AP1G1: variants seen among roughly 807,000 people sequenced by gnomAD.
AP1G1 encodes the protein adaptor related protein complex 1 subunit gamma 1.
In AP1G1, 7 loss-of-function variants were observed where a neutral mutation model predicts 108.3. The ratio of observed to expected loss-of-function variants is 0.06; its 90% CI spans 0.04 to 0.12. The LOEUF (loss-of-function observed/expected upper bound fraction) is 0.12, where lower values mean the gene tolerates loss of function less well. AP1G1 is among the 10% of genes least tolerant of loss of function. The pLI is 1.00. For synonymous variants in AP1G1, 379 were observed against 353.5 expected, an observed-to-expected ratio of 1.07 and a Z score of -0.81; for missense variants, 756 against 1,010.7, an observed-to-expected ratio of 0.75 and a Z score of 3.42.
At chr16:71,733,204 T>G in intron 22 of AP1G1, 45 bp from the exon 23 acceptor site, 2 of 1,432,962 alleles carry the variant, frequency 1.4e-6, no homozygotes, top group Non-Finnish European at 2.0e-6. Flanking sequence ...TGAAATGAAA[T>G]CTCCAGAATC....
At chr16:71,741,083 G>T (rs990691419) in intron 19 of AP1G1, among the ~76,000 whole-genome samples, 1 of 152,076 alleles carries the variant, frequency 6.6e-6, no homozygotes, top group African/African-American at 2.4e-5. Flanking sequence ...ATCAAGATTC[G>T]AAGAAGAAGC....
At chr16:71,759,368 T>C (rs995491498) in intron 10 of AP1G1, among the ~76,000 whole-genome samples, 1 of 150,548 alleles carries the variant, frequency 6.6e-6, no homozygotes, top group African/African-American at 2.4e-5. Flanking sequence ...GGCTGAGGCA[T>C]GAGAATTGCT....
chr16:71,764,654 A>T lies in AP1G1; in HGVS notation c.811T>A (p.Leu271Ile), dbSNP rs1190808103. 6.2e-7 allele frequency: 1 copy of T among 1,605,054 alleles called. No homozygotes were observed. The highest frequency in any genetic ancestry group is 1.1e-5 in the South Asian group (1 of 88,788). ...ATGTTTGGTCTACTCACCTGTGCTA[A>T]TATATCATTCATAGCTTCACTTGAA... ...DDSSEAMNDI[L>I]AQVATNTETS... The change falls in exon 8 of 23, where the codon TTA (leucine) becomes ATA (isoleucine). Residue 271 changes from leucine (L) to isoleucine (I), a missense_variant. Leu to Ile is a conservative substitution (Grantham distance 5). Around this residue, in one of 3 missense-constraint regions of AP1G1, gnomAD observed 304 missense variants for 483.6 expected, o/e 0.63. Transcript: ENST00000299980.
intron 9 of AP1G1, among the ~76,000 whole-genome samples, chr16:71,762,065 T>C (rs1257786908): frequency 1.3e-5 from 2 of 151,934 alleles, no homozygotes; most frequent in African/African-American, 4.8e-5. Context: ...TAGACAAAAG[T>C]CTACTGTGGC....
In AP1G1 at chr16:71,739,324, G is replaced by T; in HGVS notation, c.2017C>A (p.Pro673Thr). The T allele has an allele frequency of 6.2e-7, 1 of 1,603,094 alleles. No homozygotes were observed. Among genetic ancestry groups the T allele is most frequent in the South Asian group, 1.1e-5 (1 of 88,756 alleles). Residue 673 changes from proline (P) to threonine (T), a missense_variant, in exon 20 of 23, where the codon CCT becomes ACT. Physicochemically the swap from Pro to Thr is conservative, Grantham distance 38 (BLOSUM62 -1). Transcript: ENST00000299980. The part of the protein sequence containing the change: ...INLTGAPAAA[P>T]APASVPQISQ... ...ATCTGTGGGACTGAGGCAGGGGCAG[G>T]AGCAGCAGCTGGAGCACCTAAAGGA...
At chr16:71,751,454 T>C (rs1361358143) in intron 13 of AP1G1, 1 of 149,654 alleles carries the variant, frequency 6.7e-6, no homozygotes, top group African/African-American at 2.5e-5. Context: ...CATGTGTATT[T>C]TGGAAAGGAA....
At chr16:71,808,598 C>T (rs1403281653) in intron 1 of AP1G1, 165 bp downstream of exon 1, 3 of 1,289,458 alleles carry the variant, frequency 2.3e-6, no homozygotes, top group Non-Finnish European at 3.0e-6. Context: ...GGAGCAGCCC[C>T]TGGGGCTCCC....
At chr16:71,797,408 A>G (rs1310032186) in intron 1 of AP1G1, among the ~76,000 whole-genome samples, 1 of 152,176 alleles carries the variant, frequency 6.6e-6, no homozygotes, top group Non-Finnish European at 1.5e-5. Context: ...GTATAAATAA[A>G]GCAACTGTAA....
chr16:71,753,673 A>ATGC, intron 13 of AP1G1, 160 bp downstream of exon 13: 1 of 698,040 alleles, frequency 1.4e-6, no homozygotes. Context: ...ATATTCCTCC[A>ATGC]TGCTGCTTTA....
intron 1 of AP1G1, among the ~76,000 whole-genome samples, chr16:71,800,833 T>C (rs1208667321): frequency 5.4e-5 from 8 of 148,318 alleles, no homozygotes; most frequent in South Asian, 4.2e-4. Flanking sequence ...CCATCTCTAC[T>C]AAAAATACAA....
chr16:71,762,513 G>A (rs1567649919), intron 9 of AP1G1, among the ~76,000 whole-genome samples: 1 of 152,276 alleles, frequency 6.6e-6, no homozygotes, highest in African/African-American at 2.4e-5. Flanking sequence ...CAACCTTGGG[G>A]AGGGGAGAGA....
chr16:71,787,267 C>T lies in AP1G1; in HGVS notation c.201+2012G>A, dbSNP rs570440143. Among the ~76,000 whole-genome samples, 892 of 143,774 alleles carry T rather than the reference C, an allele frequency of 6.2e-3. 13 individuals carry two copies. In the South Asian group the frequency reaches 0.064, roughly 10 times the overall value. 94.3% of individuals were successfully genotyped at this position (143,774 alleles called of 152,430 possible). ...CCAGTAGGTGGAGGTTGAAGTGAGCCGAGATCACGCCACTGGACTCCAGCC... is the reference window on the plus strand; with the variant it reads ...CCAGTAGGTGGAGGTTGAAGTGAGCTGAGATCACGCCACTGGACTCCAGCC... On this transcript the variant is annotated intron_variant, in intron 2 of 22. Transcript: ENST00000299980.
Position 71,765,519 on chromosome 16 carries a change from A to G in AP1G1, c.708T>C (p.Asp236=). The G allele has an allele frequency of 1.2e-6, 2 of 1,613,534 alleles. No homozygotes were observed. The highest frequency in any genetic ancestry group is 1.7e-6 in the Non-Finnish European group (2 of 1,179,556). ...AAAAGGGGTCACTGATACCAGAAAC[A>G]TCATGTTCTGGTGAATATCCGGACA... ...LIMSGYSPEH[D]VSGISDPFLQ... The change falls in exon 7 of 23, where the codon GAT becomes GAC. Residue 236 remains aspartate, a synonymous_variant. Transcript: ENST00000299980.
chr16:71,736,446 T>C (rs1415461985), intron 21 of AP1G1, among the ~76,000 whole-genome samples: 1 of 150,460 alleles, frequency 6.6e-6, no homozygotes, highest in Admixed American at 6.6e-5. Context: ...AGTGGTGCGA[T>C]CTCGGCTCAC....
chr16:71,767,101 T>C (rs1328862347), intron 6 of AP1G1, among the ~76,000 whole-genome samples: 1 of 152,218 alleles, frequency 6.6e-6, no homozygotes, highest in Non-Finnish European at 1.5e-5. Flanking sequence ...TTTTATCTGG[T>C]TTATTTCTTG....
At chr16:71,738,697 CACT>C (rs1378694761) in intron 21 of AP1G1, among the ~76,000 whole-genome samples, 2 of 152,182 alleles carry the variant, frequency 1.3e-5, no homozygotes, top group Non-Finnish European at 2.9e-5. Context: ...ATTCTGCTCT[CACT>C]ACTATTAGAA....
chr16:71,739,223 A>G lies in AP1G1; in HGVS notation c.2107+11T>C, dbSNP rs2045587455. 6.2e-7 allele frequency: 1 copy of G among 1,611,586 alleles called. No homozygotes were observed. Among genetic ancestry groups the G allele is most frequent in the South Asian group, 1.1e-5 (1 of 90,932 alleles). ...TGCTCCATGTAATGATGGTAACAAC[A>G]GTCATCGTACCTGCAGCAATATCAT... On this transcript the variant is annotated intron_variant, in intron 20 of 22. Coordinates refer to ENST00000299980, the MANE Select transcript of AP1G1 (RefSeq NM_001128.6).
At chr16:71,756,848 A>G (rs765086601) in intron 11 of AP1G1, among the ~76,000 whole-genome samples, 21 of 151,002 alleles carry the variant, frequency 1.4e-4, no homozygotes, top group African/African-American at 5.1e-4. Flanking sequence ...AGGCTGAGGT[A>G]GGAGAATTGC....
intron 9 of AP1G1, among the ~76,000 whole-genome samples, chr16:71,762,060 A>T (rs1036708902): frequency 6.6e-6 from 1 of 152,010 alleles, no homozygotes; most frequent in Non-Finnish European, 1.5e-5. Flanking sequence ...ACATATAGAC[A>T]AAAGTCTACT....
Sources: allele counts gnomAD v4.1 joint callset (sites outside exome capture counted in the v4.1 genomes callset), GRCh38; gene constraint gnomAD v4.1.1; regional missense constraint gnomAD v4.1.1; transcripts MANE v1.5; gene names NCBI Gene and HGNC (gene_info 2026-07-23, HGNC 2026-07-21).